Variants in HPSE2 observed in about 807,000 individuals in gnomAD.
The protein encoded by HPSE2 is heparanase 2 (inactive), also known as inactive heparanase-2.
HPSE2 carries 38 observed loss-of-function variants against 60.5 expected under a neutral mutation model. The ratio of observed to expected loss-of-function variants is 0.63; its 90% CI spans 0.48 to 0.82. HPSE2 has a LOEUF of 0.82. HPSE2 is among the 40% of genes least tolerant of loss of function. The pLI is 0.00. For synonymous variants in HPSE2, 295 were observed against 293.2 expected (o/e 1.01, Z -0.06); for missense variants, 713 against 740.4 (o/e 0.96, Z 0.43).
At chr10:98,693,795 T>C (rs1948140327) in intron 6 of HPSE2, 105 bp downstream of exon 6, 1 of 976,120 alleles carries the variant, frequency 1.0e-6, no homozygotes, top group African/African-American at 1.6e-5. Flanking sequence ...TCCTGGAGGA[T>C]GAAGGATAGC....
At chr10:98,952,714 A>G (rs1039542769) in intron 3 of HPSE2, among the ~76,000 whole-genome samples, 3 of 152,086 alleles carry the variant, frequency 2.0e-5, no homozygotes, top group African/African-American at 7.2e-5. Flanking sequence ...GGGTGCTAGT[A>G]TGGTAGGGTT....
At chr10:98,477,673 G>A (rs1377097745) in intron 11 of HPSE2, among the ~76,000 whole-genome samples, 1 of 152,188 alleles carries the variant, frequency 6.6e-6, no homozygotes, top group Admixed American at 6.5e-5. Flanking sequence ...TGGCTTGTGA[G>A]GCCGAACTTC....
At chr10:98,517,737 G>A (rs1005458525) in intron 9 of HPSE2, among the ~76,000 whole-genome samples, 9 of 152,182 alleles carry the variant, frequency 5.9e-5, no homozygotes, top group African/African-American at 1.9e-4. Flanking sequence ...AAAGCATGGC[G>A]TTTGGAGTCA....
In HPSE2 at chr10:98,490,174, T is replaced by C; in HGVS notation, c.1343A>G (p.Tyr448Cys). 1 of 1,613,972 alleles carries C rather than the reference T, an allele frequency of 6.2e-7. No individual in the cohort carries two copies. Among genetic ancestry groups the C allele is most frequent in the Middle Eastern group, 1.6e-4 (1 of 6,062 alleles). ...GACTTTGGGGCCGATCAGGCGCTTG[T>C]AGAGGAGAGAGAGCCAGTAGTCCTG... is the stretch of plus-strand genomic sequence containing the variant. ...PLPDYWLSLLYKRLIGPKVLA... is the reference protein window; with the variant it reads ...PLPDYWLSLLCKRLIGPKVLA... The change falls in exon 10 of 12, where the codon TAC becomes TGC. Residue 448 changes from tyrosine to cysteine, a missense_variant. Physicochemically the swap from Tyr to Cys is radical, Grantham distance 194 (BLOSUM62 -2). Transcript: ENST00000370552.
At chr10:98,747,394 AT>A (rs1453539045) in intron 3 of HPSE2, among the ~76,000 whole-genome samples, 18 of 152,300 alleles carry the variant, frequency 1.2e-4, no homozygotes, top group Admixed American at 1.1e-3. Flanking sequence ...TATAATGAGT[AT>A]TTTACTGTGT....
chr10:99,130,490 A>T (rs1322927107), intron 3 of HPSE2, among the ~76,000 whole-genome samples: 1 of 152,200 alleles, frequency 6.6e-6, no homozygotes, highest in Non-Finnish European at 1.5e-5. Flanking sequence ...AAGTTGTTGT[A>T]CCTGAGCAAG....
At chr10:98,632,366 C>T (rs577718922) in intron 7 of HPSE2, among the ~76,000 whole-genome samples, 5 of 152,184 alleles carry the variant, frequency 3.3e-5, no homozygotes, top group South Asian at 4.2e-4. Context: ...CTACTGTTTA[C>T]CCTCTCCCTT....
At chr10:98,877,505 G>A (rs1952909906) in intron 3 of HPSE2, among the ~76,000 whole-genome samples, 1 of 151,756 alleles carries the variant, frequency 6.6e-6, no homozygotes, top group African/African-American at 2.4e-5. Context: ...TATCGATAAA[G>A]TGGGAACAAA....
chr10:98,795,051 GGAAGGAAGGAAGGAAA>G (rs1565167930), intron 3 of HPSE2, among the ~76,000 whole-genome samples: 1 of 145,624 alleles, frequency 6.9e-6, no homozygotes, highest in African/African-American at 2.6e-5. Flanking sequence ...AAGGAAGGAA[GGAAGGAAGGAAGGAAA>G]GAAGGAAGGA....
rs1942884616 is a variant in HPSE2, at chr10:98,524,123, T to C, written c.1321-33927A>G. Among the ~76,000 whole-genome samples, 3 of 152,208 alleles carry C rather than the reference T, an allele frequency of 2.0e-5. 1 individual carries two copies. Among genetic ancestry groups the C allele is most frequent in the Non-Finnish European group, 4.4e-5 (3 of 68,034 alleles). ...CAAGGCCCCATGCTCCAAAGAGCCC[T>C]GTGCTTGGCTTAATGCTCTGCTGTT... On this transcript the variant is annotated intron_variant, in intron 9 of 11. Transcript: ENST00000370552.
intron 5 of HPSE2, among the ~76,000 whole-genome samples, chr10:98,709,581 C>G (rs1417339721): frequency 6.6e-6 from 1 of 152,158 alleles, no homozygotes; most frequent in Admixed American, 6.6e-5. Context: ...TTGGCCAGTG[C>G]CAGGCAGACA....
chr10:98,817,029 G>T (rs2134595066), intron 3 of HPSE2, among the ~76,000 whole-genome samples: 1 of 152,056 alleles, frequency 6.6e-6, no homozygotes, highest in East Asian at 1.9e-4. Flanking sequence ...TGGACTGCTG[G>T]CACCCTCAAT....
At chr10:98,641,684 C>A (rs1946640736) in intron 7 of HPSE2, among the ~76,000 whole-genome samples, 163 bp downstream of exon 7, 1 of 152,066 alleles carries the variant, frequency 6.6e-6, no homozygotes, top group Admixed American at 6.5e-5. Context: ...TGACAGGCAA[C>A]AACTGTGATG....
At chr10:98,928,992 A>G (rs1296972033) in intron 3 of HPSE2, among the ~76,000 whole-genome samples, 1 of 95,438 alleles carries the variant, frequency 1.0e-5, no homozygotes, top group Non-Finnish European at 2.0e-5. Context: ...GTATAATAAT[A>G]AATAAATAAA....
chr10:99,080,651 T>C (rs1300848049), intron 3 of HPSE2, among the ~76,000 whole-genome samples: 1 of 152,252 alleles, frequency 6.6e-6, no homozygotes, highest in Non-Finnish European at 1.5e-5. Flanking sequence ...TTACAAGTGC[T>C]CTTTGAGATT....
chr10:99,256,595 A>G, the HPSE2 span, among the ~76,000 whole-genome samples: 118 of 151,852 alleles, frequency 7.8e-4, no homozygotes, highest in African/African-American at 2.7e-3. Context: ...ATATTCTACT[A>G]GAAGTTCTGG....
chr10:99,056,108 G>T (rs1009169056), intron 3 of HPSE2, among the ~76,000 whole-genome samples: 7 of 143,414 alleles, frequency 4.9e-5, no homozygotes, highest in African/African-American at 1.7e-4. Context: ...ACAATATCAG[G>T]AATAAAAGCA....
At position 98,890,973 on chromosome 10, in the gene HPSE2, A is replaced by G. The variant is rs61883689; in HGVS notation, c.611-146917T>C. 3.5e-3 allele frequency among the ~76,000 whole-genome samples: 537 copies of G among 152,314 alleles called. 2 individuals carry two copies. Among genetic ancestry groups the G allele is most frequent in the Non-Finnish European group, 5.9e-3 (400 of 68,018 alleles). On this transcript the variant is annotated intron_variant, in intron 3 of 11. Transcript: ENST00000370552. Reference sequence around the variant, plus strand: ...TGACCATATAAATGCACTTGTATACATGGAGCACATATCTTATTTTAATTT... The same window carrying G: ...TGACCATATAAATGCACTTGTATACGTGGAGCACATATCTTATTTTAATTT...
chr10:98,883,363 T>C (rs376992766), intron 3 of HPSE2, among the ~76,000 whole-genome samples: 2 of 152,146 alleles, frequency 1.3e-5, no homozygotes, highest in East Asian at 3.9e-4. Flanking sequence ...CCTAAAATTC[T>C]TTCAGCCAAG....
Sources: gnomAD v4.1 joint callset for allele counts (sites outside exome capture counted in the v4.1 genomes callset) on GRCh38, gnomAD v4.1.1 for gene constraint, MANE v1.5 for transcripts, NCBI Gene and HGNC (gene_info 2026-07-23, HGNC 2026-07-21) for gene names.